Variants in ARID3B observed in about 807,000 individuals in gnomAD.
ARID3B encodes AT-rich interactive domain-containing protein 3B.
ARID3B carries 10 observed loss-of-function variants against 51.9 expected under a neutral mutation model. The observed-to-expected ratio is 0.19, with a 90% CI of 0.12 to 0.33. ARID3B has a LOEUF of 0.33. Ranked by LOEUF, ARID3B falls within the 10% of genes least tolerant of loss-of-function variation. ARID3B has a pLI of 1.00. For synonymous variants in ARID3B, 205 were observed against 279.5 expected, an observed-to-expected ratio of 0.73 and a Z score of 2.66; for missense variants, 483 against 716.3, an observed-to-expected ratio of 0.67 and a Z score of 3.72.
intron 2 of ARID3B, among the ~76,000 whole-genome samples, chr15:74,552,969 T>C (rs1326035093): frequency 6.6e-6 from 1 of 152,186 alleles, no homozygotes; most frequent in Non-Finnish European, 1.5e-5. Flanking sequence ...ATTGCTGGAT[T>C]GTGTGGTAAG....
rs539710162 is a variant in ARID3B, at chr15:74,568,566, C to T, written c.553-4296C>T. Among the ~76,000 whole-genome samples, 4 of 152,234 alleles carry T rather than the reference C, an allele frequency of 2.6e-5. No individual in the cohort carries two copies. In the East Asian group the frequency reaches 7.7e-4, roughly 29 times the overall value. ...TGCTTGTAAGGCTCCTGGTACAATCCTTAGTATGCAGAAGGCACACAAACA... is the reference window on the plus strand; with the variant it reads ...TGCTTGTAAGGCTCCTGGTACAATCTTTAGTATGCAGAAGGCACACAAACA... On this transcript the variant is annotated intron_variant, in intron 2 of 8. Transcript: ENST00000346246.
At chr15:74,580,071 A>G (rs752323306) in intron 4 of ARID3B, among the ~76,000 whole-genome samples, 2 of 152,154 alleles carry the variant, frequency 1.3e-5, no homozygotes, top group African/African-American at 2.4e-5. Flanking sequence ...CATGCTGGCA[A>G]TCCCAGCTAC....
chr15:74,579,877 G>A (rs966019987), intron 4 of ARID3B, among the ~76,000 whole-genome samples: 10 of 138,352 alleles, frequency 7.2e-5, no homozygotes, highest in South Asian at 2.2e-4. Flanking sequence ...GTGTGTGCGC[G>A]CGCGCGCACA....
chr15:74,559,671 G>A (rs1207301562), intron 2 of ARID3B, among the ~76,000 whole-genome samples: 2 of 151,998 alleles, frequency 1.3e-5, no homozygotes, highest in Non-Finnish European at 1.5e-5. Flanking sequence ...GATAGAACAG[G>A]AGAAAAATAA....
At chr15:74,556,974 A>G (rs1214842606) in intron 2 of ARID3B, among the ~76,000 whole-genome samples, 2 of 151,282 alleles carry the variant, frequency 1.3e-5, no homozygotes, top group East Asian at 3.9e-4. Flanking sequence ...ACAGGGTTTC[A>G]CCATATTGGC....
chr15:74,551,358 T>G (rs2061636759), intron 2 of ARID3B, among the ~76,000 whole-genome samples: 1 of 152,254 alleles, frequency 6.6e-6, no homozygotes. Flanking sequence ...CTTCTGAAGC[T>G]GTATCTTTCC....
intron 2 of ARID3B, among the ~76,000 whole-genome samples, chr15:74,552,103 C>T (rs1236805931): frequency 5.8e-5 from 8 of 138,886 alleles, no homozygotes; most frequent in African/African-American, 2.2e-4. Context: ...GCTCTGCCGC[C>T]CAGGCTAGAG....
At chr15:74,549,050 C>T (rs966004316) in intron 2 of ARID3B, among the ~76,000 whole-genome samples, 2 of 151,842 alleles carry the variant, frequency 1.3e-5, no homozygotes, top group Non-Finnish European at 2.9e-5. Flanking sequence ...AGGTGTAGTC[C>T]CTTGGGATAG....
chr15:74,541,997 A>C (rs1347926357), intron 1 of ARID3B, among the ~76,000 whole-genome samples: 1 of 152,174 alleles, frequency 6.6e-6, no homozygotes, highest in Non-Finnish European at 1.5e-5. Flanking sequence ...GTGTGTATTG[A>C]GTTGTAGAAC....
chr15:74,547,138 T>G (rs1172820141), intron 2 of ARID3B, among the ~76,000 whole-genome samples: 1 of 151,900 alleles, frequency 6.6e-6, no homozygotes, highest in Non-Finnish European at 1.5e-5. Flanking sequence ...CCTTTACAAT[T>G]GACACAGATC....
At chr15:74,587,677 C>G (rs577231007) in intron 4 of ARID3B, among the ~76,000 whole-genome samples, 20 of 152,156 alleles carry the variant, frequency 1.3e-4, no homozygotes, top group African/African-American at 4.8e-4. Flanking sequence ...TGTGTTTGGG[C>G]AGATAGGCCT....
chr15:74,547,684 T>A (rs1008290515), intron 2 of ARID3B, among the ~76,000 whole-genome samples: 1 of 152,252 alleles, frequency 6.6e-6, no homozygotes, highest in Non-Finnish European at 1.5e-5. Context: ...GATTCTGTCC[T>A]GAGTCTACTG....
chr15:74,594,427 G>A (rs963271450), intron 8 of ARID3B, among the ~76,000 whole-genome samples: 12 of 152,160 alleles, frequency 7.9e-5, no homozygotes, highest in African/African-American at 1.7e-4. Context: ...CAGCCTGGGC[G>A]ACAGAGTGAG....
chr15:74,559,891 C>T (rs946703577), intron 2 of ARID3B, among the ~76,000 whole-genome samples: 2 of 151,700 alleles, frequency 1.3e-5, no homozygotes. Flanking sequence ...ACTATAGATA[C>T]AGTTTTAAAT....
intron 2 of ARID3B, among the ~76,000 whole-genome samples, chr15:74,559,668 C>A (rs1443397835): frequency 1.3e-5 from 2 of 152,068 alleles, no homozygotes; most frequent in African/African-American, 4.8e-5. Flanking sequence ...CCAGATAGAA[C>A]AGGAGAAAAA....
intron 4 of ARID3B, among the ~76,000 whole-genome samples, chr15:74,581,691 C>T (rs532404245): frequency 5.9e-5 from 9 of 152,252 alleles, no homozygotes; most frequent in African/African-American, 1.9e-4. Flanking sequence ...CAGTTATCCA[C>T]GATCATAGGA....
chr15:74,571,104 A>G (rs1230386957), intron 2 of ARID3B, among the ~76,000 whole-genome samples: 1 of 152,186 alleles, frequency 6.6e-6, no homozygotes, highest in Non-Finnish European at 1.5e-5. Context: ...CTTCTTAGTT[A>G]TACTTATGTC....
intron 4 of ARID3B, among the ~76,000 whole-genome samples, chr15:74,578,278 A>T (rs1014291980): frequency 6.6e-6 from 1 of 150,718 alleles, no homozygotes; most frequent in African/African-American, 2.5e-5. Flanking sequence ...GGTTCAAGCT[A>T]TTCTCCTGCC....
rs1250501067 is a variant in ARID3B, at chr15:74,591,542, G to A, written c.1166-18G>A. 2.5e-6 allele frequency: 4 copies of A among 1,609,212 alleles called. No individual in the cohort carries two copies. Among genetic ancestry groups the A allele is most frequent in the East Asian group, 2.2e-5 (1 of 44,742 alleles). ...AGAGGGTCAATTGTGGATTGGTCCA[G>A]CTCCAGTTCCTTTGCAGGTGATGGA... is the stretch of plus-strand genomic sequence containing the variant. On this transcript the variant is annotated intron_variant, in intron 6 of 8. Coordinates refer to ENST00000346246, the MANE Select transcript of ARID3B (RefSeq NM_006465.4). This position sits in a 1 kb window ranked among gnomAD's most constrained non-coding sequence, Gnocchi z 5.8.
Sources: gnomAD v4.1 joint callset for allele counts (sites outside exome capture counted in the v4.1 genomes callset) on GRCh38, gnomAD v4.1.1 for gene constraint, Gnocchi (gnomAD v3.1) non-coding constraint, MANE v1.5 for transcripts, NCBI Gene and HGNC (gene_info 2026-07-23, HGNC 2026-07-21) for gene names.